Variants in CACNA1A observed in about 807,000 individuals in gnomAD.
CACNA1A encodes the protein calcium voltage-gated channel subunit alpha1 A.
In CACNA1A, 57 loss-of-function variants were observed where a neutral mutation model predicts 262.4. The ratio of observed to expected loss-of-function variants is 0.22; its 90% CI spans 0.18 to 0.27. The LOEUF (loss-of-function observed/expected upper bound fraction) is 0.27, where lower values mean the gene tolerates loss of function less well. Among genes scored for constraint, CACNA1A ranks in the 10% least tolerant of loss-of-function variants. The pLI is 1.00. For missense variants in CACNA1A, 2,526 were observed against 3,562.8 expected (o/e 0.71, Z 7.41); for synonymous variants, 1,431 against 1,419.3 (o/e 1.01, Z -0.18).
chr19:13,433,992 C>T (rs10419472), intron 3 of CACNA1A, among the ~76,000 whole-genome samples: 10,960 of 152,206 alleles, frequency 0.072, 602 homozygotes, highest in East Asian at 0.2. Flanking sequence ...ACCCCAATTC[C>T]ACCACTTCCT....
intron 1 of CACNA1A, among the ~76,000 whole-genome samples, chr19:13,485,226 T>C (rs561244050): frequency 6.6e-6 from 1 of 152,256 alleles, no homozygotes; most frequent in South Asian, 2.1e-4. Context: ...TACCACCACA[T>C]ATAAAAATCA....
intron 1 of CACNA1A, among the ~76,000 whole-genome samples, chr19:13,482,733 G>A (rs1028815587): frequency 6.6e-6 from 1 of 152,024 alleles, no homozygotes; most frequent in African/African-American, 2.4e-5. Flanking sequence ...TGTGTGGATG[G>A]GCTCACTGGG....
At chr19:13,253,922 T>C (rs775175393) in intron 29 of CACNA1A, among the ~76,000 whole-genome samples, 1 of 151,798 alleles carries the variant, frequency 6.6e-6, no homozygotes, top group Non-Finnish European at 1.5e-5. Context: ...GTATTTTTAG[T>C]AGAGACGGGA....
At chr19:13,240,175 A>C (rs935031837) in intron 31 of CACNA1A, among the ~76,000 whole-genome samples, 3 of 148,084 alleles carry the variant, frequency 2.0e-5, no homozygotes, top group Non-Finnish European at 1.5e-5. Context: ...AAAGAGCGAG[A>C]GAGAGAGAGA....
intron 22 of CACNA1A, among the ~76,000 whole-genome samples, chr19:13,281,649 A>C (rs1401453236): frequency 6.6e-6 from 1 of 151,742 alleles, no homozygotes; most frequent in African/African-American, 2.4e-5. Context: ...CAGTGTCCCC[A>C]GCAGCTCTAG....
In CACNA1A at chr19:13,455,330, G is replaced by C. The variant is rs1489982588; in HGVS notation, c.294-118C>G. 5 of 616,684 alleles carry C rather than the reference G, an allele frequency of 8.1e-6. No homozygotes were observed. The African/African-American group carries it at 9.0e-5, about 11-fold the overall frequency. The allele number at this position is 616,684 out of a possible 1,614,324, so 38.2% of individuals were successfully genotyped here. A position where few individuals can be genotyped will look rare whatever the true frequency, so the allele number is the denominator to read the frequency against. ...CCCTCTAGATCCTTCCAACTCATCA[G>C]CACAGGTGGAATTATTCGTTCTCCT... is the stretch of plus-strand genomic sequence containing the variant. On this transcript the variant is annotated intron_variant, in intron 1 of 46. Transcript: ENST00000360228.
intron 1 of CACNA1A, among the ~76,000 whole-genome samples, chr19:13,503,650 G>A (rs1012716988): frequency 3.6e-4 from 13 of 36,278 alleles, no homozygotes; most frequent in Middle Eastern, 0.026. Flanking sequence ...CCCCGCCACC[G>A]CCCTCCGCTC....
At chr19:13,480,864 G>A (rs1979206051) in intron 1 of CACNA1A, among the ~76,000 whole-genome samples, 1 of 152,182 alleles carries the variant, frequency 6.6e-6, no homozygotes, top group Non-Finnish European at 1.5e-5. Context: ...ACTGGGCTAA[G>A]CTTTTCTGCC....
chr19:13,460,059 C>CT (rs1491189909), intron 1 of CACNA1A, among the ~76,000 whole-genome samples: 2 of 152,174 alleles, frequency 1.3e-5, no homozygotes, highest in East Asian at 3.8e-4. Flanking sequence ...TCCCCCCTCC[C>CT]TCTGCTCACC....
chr19:13,357,741 C>T (rs2059030154), intron 6 of CACNA1A, among the ~76,000 whole-genome samples: 1 of 152,188 alleles, frequency 6.6e-6, no homozygotes, highest in African/African-American at 2.4e-5. Context: ...CAGTGGCTCA[C>T]ACCTGTAATC....
At chr19:13,498,930 A>AT (rs1269503568) in intron 1 of CACNA1A, among the ~76,000 whole-genome samples, 2 of 152,128 alleles carry the variant, frequency 1.3e-5, no homozygotes, top group East Asian at 3.9e-4. Flanking sequence ...CCCTACTCAG[A>AT]TAAGAACTGA....
rs16021 is a variant in CACNA1A at position 13,298,894 on chromosome 19, G to C, written c.2739C>G (p.Pro913=). The C allele has an allele frequency of 7.5e-6, 12 of 1,594,502 alleles. No homozygotes were observed. In the East Asian group the frequency reaches 2.5e-4, roughly 33 times the overall value. Residue 913 remains proline, a synonymous_variant, in exon 19 of 47, where the codon CCC becomes CCG. Transcript: ENST00000360228. ...GCTCGGCCTCGCCCTCCCAGAACCC[G>C]GGTTGCTCCAGGCTGCCCTCCCGGG... ...HHAREGSLEQ[P]GFWEGEAERG...
chr19:13,415,294 A>C (rs1165141321), intron 3 of CACNA1A, among the ~76,000 whole-genome samples: 1 of 151,980 alleles, frequency 6.6e-6, no homozygotes, highest in Non-Finnish European at 1.5e-5. Context: ...AGATAGACGC[A>C]ATCCCTGCAT....
At chr19:13,307,748 G>A in intron 15 of CACNA1A, 34 bp downstream of exon 15, 1 of 1,572,840 alleles carries the variant, frequency 6.4e-7, no homozygotes, top group South Asian at 1.1e-5. Context: ...GACACTGAGA[G>A]GTGTTGGCCC....
chr19:13,495,577 T>C (rs1981406604), intron 1 of CACNA1A, among the ~76,000 whole-genome samples: 1 of 152,228 alleles, frequency 6.6e-6, no homozygotes, highest in Non-Finnish European at 1.5e-5. Flanking sequence ...CATACAATCT[T>C]ATTGATTTTT....
chr19:13,298,389 A>G (rs2057713336), intron 19 of CACNA1A, among the ~76,000 whole-genome samples, 155 bp downstream of exon 19: 1 of 151,938 alleles, frequency 6.6e-6, no homozygotes, highest in Non-Finnish European at 1.5e-5. Context: ...TCGGCCTCCC[A>G]AAGTGCTGGG....
chr19:13,417,943 T>TCCATGGC (rs2060251760), intron 3 of CACNA1A, among the ~76,000 whole-genome samples: 1 of 147,106 alleles, frequency 6.8e-6, no homozygotes, highest in African/African-American at 2.5e-5. Flanking sequence ...GACACAGACC[T>TCCATGGC]CCATGGCCAG....
At chr19:13,446,445 T>TTC (rs1555788348) in intron 3 of CACNA1A, among the ~76,000 whole-genome samples, 1 of 138,580 alleles carries the variant, frequency 7.2e-6, no homozygotes, top group Non-Finnish European at 1.5e-5. Flanking sequence ...TTTCTTTCTT[T>TTC]TTTTTTTTTT....
intron 24 of CACNA1A, chr19:13,272,721 G>C (rs1268048892): frequency 1.3e-5 from 2 of 151,302 alleles, no homozygotes; most frequent in East Asian, 3.9e-4. Context: ...GAGGGGAAAG[G>C]AGGAAGAGAA....
Sources: allele counts gnomAD v4.1 joint callset (sites outside exome capture counted in the v4.1 genomes callset), GRCh38; gene constraint gnomAD v4.1.1; transcripts MANE v1.5; gene names NCBI Gene and HGNC (gene_info 2026-07-23, HGNC 2026-07-21).